The following DLGAP1 variants were observed in gnomAD, a reference collection of about 807,000 sequenced individuals.
DLGAP1 encodes the protein DLG associated protein 1, also known as disks large-associated protein 1.
A neutral mutation model predicts 90.8 loss-of-function variants in DLGAP1; 11 were observed. The ratio of observed to expected loss-of-function variants is 0.12; its 90% CI spans 0.08 to 0.20. The LOEUF (loss-of-function observed/expected upper bound fraction) is 0.20, where lower values mean the gene tolerates loss of function less well. Among genes scored for constraint, DLGAP1 ranks in the 10% least tolerant of loss-of-function variants. The pLI, the probability that DLGAP1 is intolerant of heterozygous loss-of-function variation, is 1.00. For synonymous variants in DLGAP1, 558 were observed against 540.7 expected (o/e 1.03, Z -0.44); for missense variants, 1,050 against 1,333.8 (o/e 0.79, Z 3.31).
intron 5 of DLGAP1, among the ~76,000 whole-genome samples, chr18:3,781,283 A>AT (rs1432859664): frequency 1.3e-5 from 2 of 152,014 alleles, no homozygotes; most frequent in Non-Finnish European, 2.9e-5. Flanking sequence ...ACAGTATCCC[A>AT]TAGCATGAAT....
intron 7 of DLGAP1, among the ~76,000 whole-genome samples, chr18:3,638,691 T>A (rs2058813150): frequency 6.6e-6 from 1 of 152,250 alleles, no homozygotes; most frequent in African/African-American, 2.4e-5. Context: ...TAATCTTACA[T>A]TTTTAAAAGT....
intron 5 of DLGAP1, among the ~76,000 whole-genome samples, chr18:3,802,550 C>T (rs1202031300): frequency 2.0e-5 from 3 of 152,176 alleles, no homozygotes; most frequent in Non-Finnish European, 2.9e-5. Flanking sequence ...GATTCCAAAT[C>T]GAATCCTTTC....
At chr18:4,340,540 C>A (rs1362406685) in intron 1 of DLGAP1, among the ~76,000 whole-genome samples, 1 of 151,984 alleles carries the variant, frequency 6.6e-6, no homozygotes, top group African/African-American at 2.4e-5. Flanking sequence ...TTTATACAGA[C>A]TTAAAATTCA....
intron 4 of DLGAP1, among the ~76,000 whole-genome samples, chr18:3,820,859 A>G (rs2067369889): frequency 6.6e-6 from 1 of 151,596 alleles, no homozygotes; most frequent in African/African-American, 2.4e-5. Context: ...GGCATCTGAC[A>G]TTCATGAAAA....
rs987970254 is a variant in DLGAP1, at chr18:3,499,502, T to C, written c.2725-108A>G. 2 of 1,173,822 alleles carry C rather than the reference T, an allele frequency of 1.7e-6. No homozygotes were observed. Among genetic ancestry groups the C allele is most frequent in the Non-Finnish European group, 2.4e-6 (2 of 831,450 alleles). The allele number at this position is 1,173,822 out of a possible 1,614,324, so 72.7% of individuals were successfully genotyped here. ...CACACAGTTTTTTACCTAGGGGTGGTTAGTTCTGATCTGCACACTGCATAT... is the reference window on the plus strand; with the variant it reads ...CACACAGTTTTTTACCTAGGGGTGGCTAGTTCTGATCTGCACACTGCATAT... On this transcript the variant is annotated intron_variant, in intron 12 of 12. Coordinates refer to ENST00000315677, the MANE Select transcript of DLGAP1 (RefSeq NM_004746.4). This position sits in a 1 kb window ranked among gnomAD's most constrained non-coding sequence, Gnocchi z 6.4.
chr18:4,099,702 CTTTT>C (rs59311920), intron 2 of DLGAP1, among the ~76,000 whole-genome samples: 2 of 133,856 alleles, frequency 1.5e-5, no homozygotes, highest in Non-Finnish European at 3.3e-5. Context: ...TCTTTTTTTA[CTTTT>C]TTTTTTTTTT....
At chr18:4,035,732 C>T (rs1282274378) in intron 2 of DLGAP1, among the ~76,000 whole-genome samples, 2 of 152,254 alleles carry the variant, frequency 1.3e-5, no homozygotes, top group East Asian at 1.9e-4. Flanking sequence ...TGACACTAAT[C>T]GGTTGCTAAT....
At chr18:4,193,657 T>C (rs2077441864) in intron 1 of DLGAP1, among the ~76,000 whole-genome samples, 1 of 152,234 alleles carries the variant, frequency 6.6e-6, no homozygotes, top group Non-Finnish European at 1.5e-5. Flanking sequence ...ACATTTTTTA[T>C]GGTATTTGGA....
At chr18:3,966,286 G>T (rs2073329374) in intron 3 of DLGAP1, among the ~76,000 whole-genome samples, 1 of 152,022 alleles carries the variant, frequency 6.6e-6, no homozygotes. Context: ...AGTAGTAGGA[G>T]ATGAGGATGG....
intron 1 of DLGAP1, among the ~76,000 whole-genome samples, chr18:4,167,525 A>G (rs1304244151): frequency 1.3e-5 from 2 of 152,190 alleles, no homozygotes; most frequent in Non-Finnish European, 2.9e-5. Flanking sequence ...ACATGCCACT[A>G]TCCTATATGT....
chr18:3,829,799 T>C (rs2067931921), intron 4 of DLGAP1, among the ~76,000 whole-genome samples: 1 of 152,204 alleles, frequency 6.6e-6, no homozygotes, highest in African/African-American at 2.4e-5. Flanking sequence ...GTGTATACAA[T>C]TACTTTACTG....
At chr18:3,679,272 T>C (rs1241712746) in intron 7 of DLGAP1, among the ~76,000 whole-genome samples, 1 of 151,530 alleles carries the variant, frequency 6.6e-6, no homozygotes, top group East Asian at 2.0e-4. Context: ...CTTATAATTA[T>C]TCCTTAATTC....
chr18:4,132,184 T>C (rs561316908), intron 2 of DLGAP1, among the ~76,000 whole-genome samples: 3 of 152,306 alleles, frequency 2.0e-5, no homozygotes, highest in Admixed American at 2.0e-4. Context: ...AAACTAAAAA[T>C]GGATGCTTTA....
intron 1 of DLGAP1, among the ~76,000 whole-genome samples, chr18:4,243,782 T>C (rs529408930): frequency 9.2e-5 from 14 of 152,196 alleles, no homozygotes; most frequent in Non-Finnish European, 1.5e-4. Context: ...GTCAGGTGTG[T>C]AGTTCTGATT....
chr18:3,556,780 C>T (rs1318485409), intron 9 of DLGAP1, among the ~76,000 whole-genome samples: 3 of 152,098 alleles, frequency 2.0e-5, no homozygotes, highest in African/African-American at 7.2e-5. Context: ...TTCCAAGAAA[C>T]AAAATTGCTG....
chr18:3,510,207 C>T (rs1008914314), intron 10 of DLGAP1, among the ~76,000 whole-genome samples: 1 of 152,230 alleles, frequency 6.6e-6, no homozygotes, highest in Non-Finnish European at 1.5e-5. Flanking sequence ...TAGCTACTGC[C>T]TGGACAAGTC....
At chr18:4,366,940 T>C (rs990079551) in intron 1 of DLGAP1, among the ~76,000 whole-genome samples, 1 of 150,886 alleles carries the variant, frequency 6.6e-6, no homozygotes, top group Admixed American at 6.6e-5. Flanking sequence ...AATTGATCTT[T>C]TGATTTTTAC....
chr18:4,337,381 G>A (rs558795950), intron 1 of DLGAP1, among the ~76,000 whole-genome samples: 7 of 151,874 alleles, frequency 4.6e-5, no homozygotes, highest in Admixed American at 3.3e-4. Flanking sequence ...TTTTTGTAGC[G>A]ACGGGGTCGC....
At chr18:3,608,470 C>T (rs977953107) in intron 7 of DLGAP1, 1 of 152,142 alleles carries the variant, frequency 6.6e-6, no homozygotes, top group Non-Finnish European at 1.5e-5. Flanking sequence ...ATCTTAGTCA[C>T]TTTGATTTTA....
Sources: allele counts gnomAD v4.1 joint callset (sites outside exome capture counted in the v4.1 genomes callset), GRCh38; gene constraint gnomAD v4.1.1; non-coding constraint Gnocchi (gnomAD v3.1); transcripts MANE v1.5; gene names NCBI Gene and HGNC (gene_info 2026-07-23, HGNC 2026-07-21).